Variants in CSMD1 observed in about 807,000 individuals in gnomAD.
CSMD1 encodes the protein CUB and Sushi multiple domains 1.
Under a neutral mutation model 417.5 loss-of-function variants are expected in CSMD1, and 213 were observed. The observed-to-expected ratio is 0.51, with a 90% confidence interval of 0.46 to 0.57. The LOEUF (loss-of-function observed/expected upper bound fraction) is 0.57, where lower values mean the gene tolerates loss of function less well. CSMD1 is among the 20% of genes least tolerant of loss of function. CSMD1 has a pLI of 0.00. For synonymous variants in CSMD1, 2,862 were observed against 1,736.8 expected (o/e 1.65, Z -16.11); for missense variants, 6,923 against 4,529.7 (o/e 1.53, Z -15.17).
chr8:4,910,738 G>A (rs951741297), intron 1 of CSMD1, among the ~76,000 whole-genome samples: 13 of 152,158 alleles, frequency 8.5e-5, no homozygotes, highest in Non-Finnish European at 1.6e-4. Flanking sequence ...AAATAATAAA[G>A]CACATAATTA....
At chr8:4,526,864 G>T (rs1796539888) in intron 2 of CSMD1, among the ~76,000 whole-genome samples, 2 of 152,086 alleles carry the variant, frequency 1.3e-5, no homozygotes, top group Admixed American at 1.3e-4. Flanking sequence ...GAAGACATAG[G>T]ATATTTAGCC....
chr8:4,023,013 G>A (rs1184652679), intron 4 of CSMD1, among the ~76,000 whole-genome samples: 2 of 152,268 alleles, frequency 1.3e-5, no homozygotes, highest in East Asian at 3.9e-4. Context: ...TACCAAATCC[G>A]TGTTTTTCTT....
chr8:3,392,183 T>C (rs970288231), intron 17 of CSMD1, among the ~76,000 whole-genome samples: 13 of 151,766 alleles, frequency 8.6e-5, no homozygotes, highest in Non-Finnish European at 8.8e-5. Context: ...GTGCACCACA[T>C]CAACATGGCA....
intron 1 of CSMD1, among the ~76,000 whole-genome samples, chr8:4,809,854 C>T (rs996960129): frequency 2.0e-5 from 3 of 152,158 alleles, no homozygotes; most frequent in African/African-American, 7.2e-5. Context: ...AACTCAACAG[C>T]CACATGGGGC....
At chr8:4,217,221 C>T (rs1358026569) in intron 3 of CSMD1, among the ~76,000 whole-genome samples, 1 of 152,182 alleles carries the variant, frequency 6.6e-6, no homozygotes, top group Non-Finnish European at 1.5e-5. Flanking sequence ...AATTACTCTT[C>T]TTGATATAAA....
At chr8:3,659,617 A>G (rs1334361218) in intron 7 of CSMD1, among the ~76,000 whole-genome samples, 2 of 152,190 alleles carry the variant, frequency 1.3e-5, no homozygotes, top group African/African-American at 2.4e-5. Context: ...ATTTCCCACT[A>G]GAGGAGAAGG....
intron 2 of CSMD1, among the ~76,000 whole-genome samples, chr8:4,604,319 A>G (rs1035440522): frequency 8.6e-5 from 13 of 151,324 alleles, no homozygotes; most frequent in African/African-American, 3.2e-4. Context: ...TATGCATTAA[A>G]TGGTTATATA....
At chr8:3,847,502 A>G (rs1009050023) in intron 5 of CSMD1, among the ~76,000 whole-genome samples, 1 of 152,104 alleles carries the variant, frequency 6.6e-6, no homozygotes, top group East Asian at 1.9e-4. Context: ...CAACATCAAT[A>G]TGAGTATGGA....
intron 23 of CSMD1, among the ~76,000 whole-genome samples, chr8:3,317,673 T>G (rs1805864655): frequency 1.3e-5 from 2 of 152,246 alleles, no homozygotes; most frequent in African/African-American, 2.4e-5. Context: ...AGTTATCTGG[T>G]TAATACTACG....
chr8:4,231,199 C>T (rs980123801), intron 3 of CSMD1, among the ~76,000 whole-genome samples: 1 of 152,154 alleles, frequency 6.6e-6, no homozygotes, highest in Admixed American at 6.5e-5. Context: ...CGCATTGAGT[C>T]TAAATGAAAG....
At chr8:3,319,499 C>T (rs1457886414) in intron 23 of CSMD1, among the ~76,000 whole-genome samples, 1 of 152,146 alleles carries the variant, frequency 6.6e-6, no homozygotes, top group Non-Finnish European at 1.5e-5. Context: ...AAAGATAGTT[C>T]TACCAATATA....
At chr8:4,148,902 G>A (rs956994679) in intron 3 of CSMD1, among the ~76,000 whole-genome samples, 1 of 151,970 alleles carries the variant, frequency 6.6e-6, no homozygotes, top group Non-Finnish European at 1.5e-5. Flanking sequence ...TCCCAACATA[G>A]TTCACCATCA....
At chr8:3,776,116 CCTT>C (rs1798872695) in intron 5 of CSMD1, among the ~76,000 whole-genome samples, 1 of 152,116 alleles carries the variant, frequency 6.6e-6, no homozygotes, top group African/African-American at 2.4e-5. Flanking sequence ...ATCCTTCCTT[CCTT>C]CTTCTTACCT....
intron 5 of CSMD1, among the ~76,000 whole-genome samples, chr8:3,894,618 G>C (rs184045967): frequency 8.5e-5 from 13 of 152,150 alleles, no homozygotes; most frequent in African/African-American, 3.1e-4. Flanking sequence ...GAAAATAAAT[G>C]CTCAGTGCTA....
intron 2 of CSMD1, among the ~76,000 whole-genome samples, chr8:4,451,766 A>G (rs1435014520): frequency 6.6e-6 from 1 of 152,002 alleles, no homozygotes. Flanking sequence ...AGATAGAACC[A>G]TCAGTAGTAT....
intron 23 of CSMD1, among the ~76,000 whole-genome samples, chr8:3,339,953 G>C (rs897235743): frequency 6.6e-6 from 1 of 152,066 alleles, no homozygotes; most frequent in Non-Finnish European, 1.5e-5. Context: ...GTTTTATTTT[G>C]GTCTGACTTA....
rs1191413609 is a variant in CSMD1, at chr8:4,762,790, C to CA, written c.86-125233dup. Among the ~76,000 whole-genome samples, 9 of 151,976 alleles carry CA rather than the reference C, an allele frequency of 5.9e-5. 1 individual carries two copies. In the South Asian group the frequency reaches 6.2e-4, roughly 11 times the overall value. On this transcript the variant is annotated intron_variant, in intron 1 of 69. Coordinates refer to ENST00000635120, the MANE Select transcript of CSMD1 (RefSeq NM_033225.6). ...TCCTCTGAGCTCTTTGAAATGAGGC[C>CA]AAAAAAATGTATCTAAATTACACCA...
chr8:3,188,366 G>T (rs1404302967), intron 35 of CSMD1, among the ~76,000 whole-genome samples: 1 of 129,556 alleles, frequency 7.7e-6, no homozygotes, highest in Non-Finnish European at 1.5e-5. Flanking sequence ...GAGTGCAATG[G>T]TGCAATCTTG....
At chr8:3,058,247 T>G (rs904471801) in intron 49 of CSMD1, among the ~76,000 whole-genome samples, 1 of 152,232 alleles carries the variant, frequency 6.6e-6, no homozygotes, top group African/African-American at 2.4e-5. Context: ...TATAGTTGTC[T>G]GTATTAAATT....
Sources: allele counts gnomAD v4.1 joint callset (sites outside exome capture counted in the v4.1 genomes callset), GRCh38; gene constraint gnomAD v4.1.1; transcripts MANE v1.5; gene names NCBI Gene and HGNC (gene_info 2026-07-23, HGNC 2026-07-21).